The following ZNF600 variants were observed in gnomAD, a reference collection of about 807,000 sequenced individuals.
ZNF600 encodes the protein zinc finger protein KR-ZNF1.
In ZNF600, 4 loss-of-function variants were observed where a neutral mutation model predicts 7.3. That is an observed-to-expected ratio of 0.55 (90% CI 0.27 to 1.25). The LOEUF is 1.25. Among genes scored for constraint, ZNF600 ranks in the 50% most tolerant of loss-of-function variants. ZNF600 has a pLI of 0.12. For synonymous variants in ZNF600, 290 were observed against 308.9 expected (o/e 0.94, Z 0.64); for missense variants, 911 against 922.1 (o/e 0.99, Z 0.16).
At chr19:52,804,865 C>A in the ZNF600 span, among the ~76,000 whole-genome samples, 2 of 152,196 alleles carry the variant, frequency 1.3e-5, no homozygotes, top group Non-Finnish European at 2.9e-5. Context: ...AGCATCTCAT[C>A]ATCAACATCA....
At chr19:52,809,884 C>A in the ZNF600 span, 2 of 757,474 alleles carry the variant, frequency 2.6e-6, no homozygotes, top group African/African-American at 1.7e-5. Flanking sequence ...GGTCCGGGAT[C>A]CAGGCCGGGG....
chr19:52,784,058 A>G (rs1169435451), intron 1 of ZNF600, among the ~76,000 whole-genome samples: 4 of 150,954 alleles, frequency 2.6e-5, no homozygotes, highest in Non-Finnish European at 5.9e-5. Flanking sequence ...TTGGGCAAAA[A>G]GAGCAAAACT....
intron 1 of ZNF600, among the ~76,000 whole-genome samples, chr19:52,783,302 C>T (rs545246579): frequency 1.3e-5 from 2 of 152,312 alleles, no homozygotes; most frequent in Non-Finnish European, 2.9e-5. Flanking sequence ...ATCAACTCAC[C>T]ACTCATCTGC....
At chr19:52,802,639 T>C in the ZNF600 span, among the ~76,000 whole-genome samples, 1 of 152,094 alleles carries the variant, frequency 6.6e-6, no homozygotes, top group South Asian at 2.1e-4. Flanking sequence ...ATCGCACCAC[T>C]GCACTCCACC....
chr19:52,775,668 G>C (rs953315794), intron 2 of ZNF600, among the ~76,000 whole-genome samples: 3 of 152,178 alleles, frequency 2.0e-5, no homozygotes, highest in African/African-American at 4.8e-5. Context: ...TGGTGTTTCA[G>C]AGAGGACAAA....
chr19:52,800,529 T>C, the ZNF600 span: 2 of 1,613,706 alleles, frequency 1.2e-6, no homozygotes, highest in Non-Finnish European at 1.7e-6. Flanking sequence ...ATTACACTTG[T>C]AAGGCTTCTC....
chr19:52,778,268 C>T (rs2062692820), intron 2 of ZNF600, among the ~76,000 whole-genome samples: 1 of 151,854 alleles, frequency 6.6e-6, no homozygotes, highest in Admixed American at 6.6e-5. Flanking sequence ...CCTGCCTTGG[C>T]CTCACAAATT....
upstream of ZNF600, among the ~76,000 whole-genome samples, chr19:52,789,276 C>A (rs1009328844): frequency 1.3e-5 from 2 of 152,152 alleles, no homozygotes; most frequent in Non-Finnish European, 2.9e-5. Flanking sequence ...AAGAAGCCTG[C>A]ATGGTTACAG....
chr19:52,811,233 G>A, the ZNF600 span, among the ~76,000 whole-genome samples: 5 of 151,250 alleles, frequency 3.3e-5, no homozygotes, highest in Non-Finnish European at 5.9e-5. Context: ...GCGTGATCTC[G>A]GCTCACTACA....
chr19:52,794,020 A>T, the ZNF600 span, among the ~76,000 whole-genome samples: 1 of 152,136 alleles, frequency 6.6e-6, no homozygotes, highest in South Asian at 2.1e-4. Flanking sequence ...GGGTTTAGGA[A>T]GTCACTTATG....
At chr19:52,785,051 A>C (rs2062752816) in intron 1 of ZNF600, among the ~76,000 whole-genome samples, 1 of 151,470 alleles carries the variant, frequency 6.6e-6, no homozygotes, top group South Asian at 2.1e-4. Context: ...TTTCTTCATT[A>C]CTGTGCTTCC....
At chr19:52,794,578 G>A in the ZNF600 span, among the ~76,000 whole-genome samples, 6 of 152,176 alleles carry the variant, frequency 3.9e-5, no homozygotes, top group South Asian at 2.1e-4. Context: ...AGGATGGGCC[G>A]GGCATGGCGG....
At position 52,769,185 on chromosome 19, in the gene ZNF600, G is replaced by C. The variant is rs374510119; in HGVS notation, c.191-1413C>G. On this transcript the variant is annotated intron_variant, in intron 3 of 3. Transcript: ENST00000648973. Reference sequence around the variant, plus strand: ...AAAGGGAGTCTCCCTTTCCCCGGGGGAGTTTAGAGAACACTCTCCTCCACC... The same window carrying C: ...AAAGGGAGTCTCCCTTTCCCCGGGGCAGTTTAGAGAACACTCTCCTCCACC... Among the ~76,000 whole-genome samples, 58 of 152,144 alleles carry C rather than the reference G, an allele frequency of 3.8e-4. 1 individual carries two copies. Among genetic ancestry groups the C allele is most frequent in the East Asian group, 3.5e-3 (18 of 5,118 alleles).
chr19:52,767,153 G>C (rs1312632164), exon 4 of ZNF600: 2 of 1,614,170 alleles, frequency 1.2e-6, no homozygotes, highest in Non-Finnish European at 1.7e-6. Context: ...GGTATTGCTT[G>C]TGATTAAAGA....
chr19:52,819,735 G>A, the ZNF600 span, among the ~76,000 whole-genome samples: 2 of 143,320 alleles, frequency 1.4e-5, no homozygotes, highest in African/African-American at 2.9e-5. Context: ...AATTAGAGAA[G>A]CATCTTTCAC....
chr19:52,799,011 T>C, the ZNF600 span: 26 of 784,776 alleles, frequency 3.3e-5, no homozygotes, highest in African/African-American at 4.5e-4. Context: ...TTACAAACCT[T>C]ACATTTGTAT....
the ZNF600 span, chr19:52,800,111 C>A: frequency 6.2e-6 from 10 of 1,609,002 alleles, no homozygotes; most frequent in South Asian, 3.3e-5. Flanking sequence ...TACATTTGTA[C>A]GGTTTCTCTC....
At chr19:52,815,820 A>G in the ZNF600 span, among the ~76,000 whole-genome samples, 2,961 of 146,554 alleles carry the variant, frequency 0.02, 533 homozygotes, top group African/African-American at 0.075. Context: ...GCGAGGCTCC[A>G]TCTCAAAAAA....
the ZNF600 span, among the ~76,000 whole-genome samples, chr19:52,793,326 C>T: frequency 6.6e-6 from 1 of 152,294 alleles, no homozygotes. Context: ...ACAAAATACA[C>T]TTTCTAAATT....
Sources: allele counts gnomAD v4.1 joint callset (sites outside exome capture counted in the v4.1 genomes callset), GRCh38; gene constraint gnomAD v4.1.1; transcripts MANE v1.5; gene names NCBI Gene and HGNC (gene_info 2026-07-23, HGNC 2026-07-21).